GATA6: variants seen among roughly 807,000 people sequenced by gnomAD.
GATA6 encodes GATA binding protein 6, also known as transcription factor GATA-6.
Under a neutral mutation model 48.1 loss-of-function variants are expected in GATA6, and 11 were observed. The ratio of observed to expected loss-of-function variants is 0.23; its 90% CI spans 0.14 to 0.38. The LOEUF (loss-of-function observed/expected upper bound fraction) is 0.38. GATA6 is among the 10% of genes least tolerant of loss of function. The probability of loss-of-function intolerance (pLI) is 1.00; values close to 1 mark genes in which losing one functional copy is unlikely to be tolerated. For missense variants in GATA6, 795 were observed against 850.3 expected (o/e 0.93, Z 0.81); for synonymous variants, 419 against 396.1 (o/e 1.06, Z -0.69).
rs1201363903 is a variant in GATA6, at chr18:22,170,580, G to C, written c.-37-528G>C. Among the ~76,000 whole-genome samples the C allele has an allele frequency of 6.6e-6, 1 of 152,238 alleles. No individual in the cohort carries two copies. The highest frequency in any genetic ancestry group is 2.4e-5 in the African/African-American group (1 of 41,470). The stretch of plus-strand genomic sequence containing the variant: ...AGGAGAACGCGGCGGTTTCGTTTTC[G>C]GGGACAGGTTGCCTTCCTTACGCGA... On this transcript the variant is annotated intron_variant, in intron 1 of 6. Coordinates refer to ENST00000269216, the MANE Select transcript of GATA6 (RefSeq NM_005257.6). The surrounding 1 kb of genome is among the most constrained non-coding windows in gnomAD (Gnocchi z 6.7).
Position 22,182,973 on chromosome 18 carries a change from C to T in GATA6, c.1550C>T (p.Thr517Ile), listed in dbSNP as rs1181929412. The T allele has an allele frequency of 1.2e-6, 2 of 1,614,114 alleles. No individual in the cohort carries two copies. Among genetic ancestry groups the T allele is most frequent in the African/African-American group, 1.3e-5 (1 of 75,062 alleles). The change falls in exon 6 of 7, where the codon ACT (threonine) becomes ATT (isoleucine). Residue 517 changes from threonine (T) to isoleucine (I), a missense_variant. By Grantham distance (89) the Thr-to-Ile change is moderately conservative. This residue lies in a region of GATA6 where 103 missense variants were observed against 103.7 expected (regional missense o/e 0.99). Coordinates refer to ENST00000269216, the MANE Select transcript of GATA6 (RefSeq NM_005257.6). ...AATAATTCCATTCCCATGACTCCAA[C>T]TTCCACCTCTTCTAACTCAGATGAT... Reference protein sequence around the residue: ...NSNNSIPMTPTSTSSNSDDCS... With the variant: ...NSNNSIPMTPISTSSNSDDCS...
chr18:22,187,493 AAAT>A (rs2033277553), intron 6 of GATA6, among the ~76,000 whole-genome samples: 1 of 151,884 alleles, frequency 6.6e-6, no homozygotes, highest in African/African-American at 2.4e-5. Flanking sequence ...AAAAAAAAAA[AAAT>A]TTTTTTTCTT....
rs2033373045 is a variant in GATA6 at position 22,195,015 on chromosome 18, A to G, written c.1621-5641A>G. ...ACCCTAACTCTACTAAAAATACAAA[A>G]ATTAGCCGAGTGTAGTGGTGGGCGC... On this transcript the variant is annotated intron_variant, in intron 6 of 6. Transcript: ENST00000269216. Among the ~76,000 whole-genome samples, 3 of 152,142 alleles carry G rather than the reference A, an allele frequency of 2.0e-5. No homozygotes were observed. In the South Asian group the frequency reaches 6.2e-4, roughly 32 times the overall value.
Position 22,200,642 on chromosome 18 carries a change from C to T in GATA6, c.1621-14C>T, listed in dbSNP as rs765517097. 26 of 1,614,158 alleles carry T rather than the reference C, an allele frequency of 1.6e-5. No homozygotes were observed. Among genetic ancestry groups the T allele is most frequent in the Non-Finnish European group, 2.1e-5 (25 of 1,180,056 alleles). On this transcript the variant is annotated splice_polypyrimidine_tract_variant and intron_variant, in intron 6 of 6. Coordinates refer to ENST00000269216, the MANE Select transcript of GATA6 (RefSeq NM_005257.6). The stretch of plus-strand genomic sequence containing the variant: ...ACCTTCTCGTCTCTCCTCTGTGTCC[C>T]CCTCTTCTGCCAGGCGGGTGCCCCG...
At position 22,171,330 on chromosome 18, in the gene GATA6, G is replaced by A. The variant is rs766427554; in HGVS notation, c.186G>A (p.Thr62=). The part of the protein sequence containing the change: ...RGPGGASNCG[T]PQLDTEAAAG... ...CCGGCGGCGCCAGCAACTGCGGGAC[G>A]CCTCAGCTCGACACGGAGGCGGCGG... Residue 62 remains threonine (T), a synonymous_variant, in exon 2 of 7, where the codon ACG becomes ACA. Transcript: ENST00000269216. This position sits in a 1 kb window ranked among gnomAD's most constrained non-coding sequence, Gnocchi z 7.1. The A allele has an allele frequency of 1.9e-6, 3 of 1,586,568 alleles. No homozygotes were observed. In the East Asian group the frequency reaches 6.7e-5, roughly 36 times the overall value.
At position 22,171,452 on chromosome 18, in the gene GATA6, G is replaced by A. The variant is rs1207902692; in HGVS notation, c.308G>A (p.Gly103Glu). The change falls in exon 2 of 7, where the codon GGG becomes GAG. Residue 103 changes from glycine (G) to glutamate (E), a missense_variant. By Grantham distance (98) the Gly-to-Glu change is moderately conservative (BLOSUM62 -2). Around this residue, in one of 5 missense-constraint regions of GATA6, gnomAD observed 591 missense variants for 570.0 expected, o/e 1.04. Coordinates refer to ENST00000269216, the MANE Select transcript of GATA6 (RefSeq NM_005257.6). This position sits in a 1 kb window ranked among gnomAD's most constrained non-coding sequence, Gnocchi z 7.1. ...GPSAPGVAGPGGNLSSWEDLL... is the reference protein window; with the variant it reads ...GPSAPGVAGPEGNLSSWEDLL... ...TCGGCGCCTGGGGTCGCGGGCCCCG[G>A]GGGCAACCTGTCGAGCTGGGAGGAC... The A allele has an allele frequency of 1.3e-6, 2 of 1,597,006 alleles. No homozygotes were observed. The highest frequency in any genetic ancestry group is 1.7e-6 in the Non-Finnish European group (2 of 1,178,454).
intron 6 of GATA6, among the ~76,000 whole-genome samples, chr18:22,195,759 A>G (rs1352868470): frequency 5.9e-5 from 9 of 152,094 alleles, no homozygotes; most frequent in Admixed American, 4.6e-4. Context: ...GATTTTTTCC[A>G]TTTTGCTCCA....
chr18:22,175,922 G>T (rs1056619487), intron 2 of GATA6, among the ~76,000 whole-genome samples: 2 of 151,834 alleles, frequency 1.3e-5, no homozygotes, highest in African/African-American at 4.8e-5. Flanking sequence ...CTTAAATGGC[G>T]GTCTATACTT....
intron 6 of GATA6, among the ~76,000 whole-genome samples, chr18:22,198,277 C>T (rs1002402008): frequency 4.6e-5 from 7 of 152,012 alleles, no homozygotes; most frequent in African/African-American, 1.7e-4. Context: ...CCCAATGTTG[C>T]CCAGGCTGGT....
intron 3 of GATA6, 125 bp from the exon 4 acceptor site, chr18:22,181,328 C>A: frequency 8.4e-7 from 1 of 1,195,110 alleles, no homozygotes; most frequent in Non-Finnish European, 1.2e-6. Flanking sequence ...TCTCAAGGAC[C>A]ATTTCATTTA....
rs531510376 is a variant in GATA6 at position 22,200,157 on chromosome 18, A to G, written c.1621-499A>G. ...AAAAGTCTAAAAAGACTTTGCCATC[A>G]CTGGATAAGCCTTGTTAGAGTGTGT... On this transcript the variant is annotated intron_variant, in intron 6 of 6. Coordinates refer to ENST00000269216, the MANE Select transcript of GATA6 (RefSeq NM_005257.6). 4.6e-5 allele frequency among the ~76,000 whole-genome samples: 7 copies of G among 151,252 alleles called. No homozygotes were observed. In the East Asian group the frequency reaches 1.4e-3, roughly 30 times the overall value.
chr18:22,188,884 G>GCTA (rs144272172), intron 6 of GATA6, among the ~76,000 whole-genome samples: 4,095 of 152,248 alleles, frequency 0.027, 183 homozygotes, highest in African/African-American at 0.093. Flanking sequence ...TGGCTGCCTG[G>GCTA]CTACCTCTTC....
At chr18:22,194,877 G>C (rs2033371264) in intron 6 of GATA6, among the ~76,000 whole-genome samples, 1 of 152,068 alleles carries the variant, frequency 6.6e-6, no homozygotes, top group African/African-American at 2.4e-5. Context: ...TAGAATATTG[G>C]TTTAGAGGCC....
chr18:22,180,945 G>C (rs145697207), intron 3 of GATA6, among the ~76,000 whole-genome samples: 96 of 152,208 alleles, frequency 6.3e-4, no homozygotes, highest in African/African-American at 2.2e-3. Flanking sequence ...GTCCACGGTG[G>C]GGGGTGGGCG....
intron 6 of GATA6, among the ~76,000 whole-genome samples, chr18:22,199,312 A>G (rs1424746393): frequency 6.6e-6 from 1 of 152,240 alleles, no homozygotes; most frequent in Non-Finnish European, 1.5e-5. Context: ...AAAGTACACA[A>G]TGTCCTACCT....
rs369971057 is a variant in GATA6 at position 22,170,731 on chromosome 18, G to A, written c.-37-377G>A. The stretch of plus-strand genomic sequence containing the variant: ...TTCTTTTGTGTGTCATCAGCCCGGG[G>A]GAGACACTTTAGGGCGGAAGGAAAG... On this transcript the variant is annotated intron_variant, in intron 1 of 6. Transcript: ENST00000269216. This position sits in a 1 kb window ranked among gnomAD's most constrained non-coding sequence, Gnocchi z 6.7. Among the ~76,000 whole-genome samples the A allele has an allele frequency of 6.6e-6, 1 of 152,130 alleles. No individual in the cohort carries two copies. The highest frequency in any genetic ancestry group is 2.4e-5 in the African/African-American group (1 of 41,448).
intron 3 of GATA6, among the ~76,000 whole-genome samples, chr18:22,179,032 T>C (rs1000216359): frequency 3.3e-5 from 5 of 152,190 alleles, no homozygotes; most frequent in Non-Finnish European, 7.3e-5. Context: ...GTGCCATTTG[T>C]TTTGTGCATG....
At position 22,170,428 on chromosome 18, in the gene GATA6, CTGGG is replaced by C. The variant is rs1157719174; in HGVS notation, c.-37-679_-37-676del. ...CCACAAGCTCTCCGCATTGCCTCTGCTGGGAAGGACCCAGACTGCTGCCCCCGCC... is the reference window on the plus strand; with the variant it reads ...CCACAAGCTCTCCGCATTGCCTCTGCAAGGACCCAGACTGCTGCCCCCGCC... On this transcript the variant is annotated intron_variant, in intron 1 of 6. Coordinates refer to ENST00000269216, the MANE Select transcript of GATA6 (RefSeq NM_005257.6). The surrounding 1 kb of genome is among the most constrained non-coding windows in gnomAD (Gnocchi z 6.7). 3.4e-4 allele frequency among the ~76,000 whole-genome samples: 52 copies of C among 152,322 alleles called. No individual in the cohort carries two copies. The highest frequency in any genetic ancestry group is 7.8e-4 in the Admixed American group (12 of 15,312).
Position 22,202,262 on chromosome 18 carries a change from A to G in GATA6, c.*1439A>G, listed in dbSNP as rs565010940. ...ATGATAAGCATTTTGTTTGGGAACA[A>G]TGCTTAAAAATATTCCAGAAAGTTC... On this transcript the variant is annotated 3_prime_UTR_variant, in exon 7 of 7. Coordinates refer to ENST00000269216, the MANE Select transcript of GATA6 (RefSeq NM_005257.6). The G allele has an allele frequency of 5.9e-5, 9 of 152,314 alleles. No individual in the cohort carries two copies. Among genetic ancestry groups the G allele is most frequent in the Admixed American group, 3.9e-4 (6 of 15,288 alleles). The allele number at this position is 152,314 out of a possible 1,614,324, so 9.4% of individuals were successfully genotyped here. A position where few individuals can be genotyped will look rare whatever the true frequency, so the allele number is the denominator to read the frequency against.
Sources: allele counts gnomAD v4.1 joint callset (sites outside exome capture counted in the v4.1 genomes callset), GRCh38; gene constraint gnomAD v4.1.1; regional missense constraint gnomAD v4.1.1; non-coding constraint Gnocchi (gnomAD v3.1); transcripts MANE v1.5; gene names NCBI Gene and HGNC (gene_info 2026-07-23, HGNC 2026-07-21).